Variants in MYBPC1 observed in about 807,000 individuals in gnomAD.
The protein encoded by MYBPC1 is myosin binding protein C1, also known as myosin-binding protein C, slow-type.
In MYBPC1, 52 loss-of-function variants were observed where a neutral mutation model predicts 147.1. The ratio of observed to expected loss-of-function variants is 0.35; its 90% CI spans 0.28 to 0.45. The LOEUF is 0.45. Ranked by LOEUF, MYBPC1 falls within the 20% of genes least tolerant of loss-of-function variation. MYBPC1 has a pLI of 1.00. For missense variants in MYBPC1, 1,228 were observed against 1,440.3 expected (o/e 0.85, Z 2.39); for synonymous variants, 477 against 475.9 (o/e 1.00, Z -0.03).
At chr12:101,684,528 A>G in intron 31 of MYBPC1, 104 bp downstream of exon 31, 1 of 886,844 alleles carries the variant, frequency 1.1e-6, no homozygotes, top group South Asian at 1.4e-5. Flanking sequence ...CAATGAAAAT[A>G]GACTTATTTT....
At chr12:101,596,847 A>T (rs1231391852) in intron 1 of MYBPC1, among the ~76,000 whole-genome samples, 1 of 152,216 alleles carries the variant, frequency 6.6e-6, no homozygotes, top group African/African-American at 2.4e-5. Context: ...TTTGCTATAA[A>T]AGCATGTTGC....
At chr12:101,677,168 T>A (rs537333156) in intron 26 of MYBPC1, 67 bp from the exon 27 acceptor site, 80 of 1,509,146 alleles carry the variant, frequency 5.3e-5, no homozygotes, top group Admixed American at 8.4e-5. Flanking sequence ...TTTATCCCAA[T>A]CTACAGTTAG....
intron 1 of MYBPC1, among the ~76,000 whole-genome samples, chr12:101,604,946 G>T (rs1460320721): frequency 2.6e-5 from 4 of 152,126 alleles, no homozygotes; most frequent in Non-Finnish European, 1.5e-5. Context: ...TCACCAAAAT[G>T]CAGGTTCAGC....
At position 101,595,047 on chromosome 12, in the gene MYBPC1, A is replaced by G. The variant is rs1261939901; in HGVS notation, c.-24A>G. The G allele has an allele frequency of 6.2e-7, 1 of 1,611,464 alleles. No homozygotes were observed. Among genetic ancestry groups the G allele is most frequent in the Admixed American group, 1.7e-5 (1 of 59,898 alleles). On this transcript the variant is annotated 5_prime_UTR_variant, in exon 1 of 32. Coordinates refer to ENST00000361466, the MANE Select transcript of MYBPC1 (RefSeq NM_002465.4). ...AGTCGTGGAGGGAAGGAGACTCTTT[A>G]AAGAATAACATCTTATTGTGGCCAT...
intron 3 of MYBPC1, among the ~76,000 whole-genome samples, chr12:101,619,405 A>G (rs1424136196): frequency 6.6e-6 from 1 of 152,046 alleles, no homozygotes; most frequent in Non-Finnish European, 1.5e-5. Flanking sequence ...TCCTTTTCCT[A>G]ACAGGTTGTA....
Position 101,652,366 on chromosome 12 carries a change from A to G in MYBPC1, c.1527-312A>G, listed in dbSNP as rs537887965. 5.3e-5 allele frequency among the ~76,000 whole-genome samples: 8 copies of G among 152,286 alleles called. No individual in the cohort carries two copies. In the South Asian group the frequency reaches 1.7e-3, roughly 32 times the overall value. ...TGAATCTTAAAGTATAGCATTATTG[A>G]TATGTTCTATTTTAGCCTTTTTAAA... On this transcript the variant is annotated intron_variant, in intron 16 of 31. Coordinates refer to ENST00000361466, the MANE Select transcript of MYBPC1 (RefSeq NM_002465.4).
At chr12:101,690,311 T>C (rs1197912785), downstream of MYBPC1, among the ~76,000 whole-genome samples, 1 of 152,230 alleles carries the variant, frequency 6.6e-6, no homozygotes, top group Non-Finnish European at 1.5e-5. Context: ...CTCTGTCTTG[T>C]TCCTTGCTTA....
chr12:101,667,857 C>A lies in MYBPC1; in HGVS notation c.2482C>A (p.Pro828Thr), dbSNP rs1442310830. ...TGTTAATGCAGCTGGTGCCAGCGAGCCCAAGTACTATTCTCAGCCCATTCT... is the reference window on the plus strand; with the variant it reads ...TGTTAATGCAGCTGGTGCCAGCGAGACCAAGTACTATTCTCAGCCCATTCT... ...KAVNAAGASE[P>T]KYYSQPILVK... Residue 828 changes from proline to threonine, a missense_variant, in exon 23 of 32, where the codon CCC becomes ACC. Pro to Thr is a conservative substitution (Grantham distance 38). Coordinates refer to ENST00000361466, the MANE Select transcript of MYBPC1 (RefSeq NM_002465.4). 1 of 1,613,992 alleles carries A rather than the reference C, an allele frequency of 6.2e-7. No homozygotes were observed. Among genetic ancestry groups the A allele is most frequent in the East Asian group, 2.2e-5 (1 of 44,896 alleles).
intron 4 of MYBPC1, 81 bp from the exon 5 acceptor site, chr12:101,627,688 A>G (rs1438465350): frequency 1.3e-6 from 2 of 1,497,700 alleles, no homozygotes; most frequent in African/African-American, 2.8e-5. Context: ...GTTTAGGGGA[A>G]TCCAAGAAGG....
intron 13 of MYBPC1, among the ~76,000 whole-genome samples, chr12:101,647,459 T>G (rs946188344): frequency 6.6e-6 from 1 of 152,248 alleles, no homozygotes; most frequent in African/African-American, 2.4e-5. Flanking sequence ...GAATAATATT[T>G]GATATATGTT....
intron 15 of MYBPC1, among the ~76,000 whole-genome samples, chr12:101,650,241 T>C (rs1240097036): frequency 1.3e-5 from 2 of 152,204 alleles, no homozygotes; most frequent in African/African-American, 4.8e-5. Flanking sequence ...TGCAAAGTCA[T>C]GCAGTAAAAA....
rs1231983330 is a variant in MYBPC1 at position 101,678,135 on chromosome 12, T to C, written c.3143T>C (p.Phe1048Ser). ...KIYKNPVYEDFDFSEAPMFTQ... is the reference protein window; with the variant it reads ...KIYKNPVYEDSDFSEAPMFTQ... ...TACAAAAATCCAGTGTATGAAGACT[T>C]TGATTTCTCAGAGGCACCCATGTTT... Residue 1048 changes from phenylalanine to serine, a missense_variant, in exon 28 of 32, where the codon TTT (phenylalanine) becomes TCT (serine). Coordinates refer to ENST00000361466, the MANE Select transcript of MYBPC1 (RefSeq NM_002465.4). 1 of 1,614,044 alleles carries C rather than the reference T, an allele frequency of 6.2e-7. No homozygotes were observed. Among genetic ancestry groups the C allele is most frequent in the South Asian group, 1.1e-5 (1 of 91,088 alleles).
intron 28 of MYBPC1, 103 bp from the exon 29 acceptor site, chr12:101,680,240 C>A: frequency 8.7e-7 from 1 of 1,149,834 alleles, no homozygotes. Flanking sequence ...GATGCACTTT[C>A]TTTTTAAGCC....
intron 10 of MYBPC1, 145 bp downstream of exon 10, chr12:101,636,873 A>C: frequency 1.4e-6 from 1 of 693,158 alleles, no homozygotes; most frequent in Non-Finnish European, 2.5e-6. Context: ...AACAGAGTTG[A>C]CTAGAAAGAG....
At chr12:101,690,620 G>A (rs1302619989), downstream of MYBPC1, among the ~76,000 whole-genome samples, 1 of 152,144 alleles carries the variant, frequency 6.6e-6, no homozygotes, top group Non-Finnish European at 1.5e-5. Flanking sequence ...TGATTAAAGG[G>A]TATAAACAAG....
Position 101,668,441 on chromosome 12 carries a change from G to T in MYBPC1, c.2524+542G>T, listed in dbSNP as rs138113742. Among the ~76,000 whole-genome samples the T allele has an allele frequency of 3.8e-3, 581 of 152,172 alleles. 7 individuals carry two copies. Among genetic ancestry groups the T allele is most frequent in the African/African-American group, 0.013 (542 of 41,518 alleles). On this transcript the variant is annotated intron_variant, in intron 23 of 31. Coordinates refer to ENST00000361466, the MANE Select transcript of MYBPC1 (RefSeq NM_002465.4). Reference sequence around the variant, plus strand: ...CATGCACTCAACAGATGAAATAAAAGGGCCAGTTTTGCCTTAGAGTCTCTT... The same window carrying T: ...CATGCACTCAACAGATGAAATAAAATGGCCAGTTTTGCCTTAGAGTCTCTT...
rs1900223466 is a variant in MYBPC1 at position 101,677,316 on chromosome 12, C to T, written c.3031C>T (p.Arg1011Trp). 3.1e-6 allele frequency: 5 copies of T among 1,613,744 alleles called. No homozygotes were observed. The highest frequency in any genetic ancestry group is 3.3e-5 in the Admixed American group (2 of 59,958). Residue 1011 changes from arginine to tryptophan, a missense_variant, in exon 27 of 32, where the codon CGG (arginine) becomes TGG (tryptophan). Arg to Trp is a moderately radical substitution (Grantham distance 101). Coordinates refer to ENST00000361466, the MANE Select transcript of MYBPC1 (RefSeq NM_002465.4). ...ELVIGNEYYF[R>W]VFSENMCGLS... The stretch of plus-strand genomic sequence containing the variant: ...GGTCATAGGGAATGAATATTACTTC[C>T]GGGTCTTTTCTGAAAACATGTGTGG...
intron 1 of MYBPC1, among the ~76,000 whole-genome samples, chr12:101,601,379 A>G (rs1055016757): frequency 6.6e-6 from 1 of 152,210 alleles, no homozygotes; most frequent in African/African-American, 2.4e-5. Context: ...CCACAGGCCA[A>G]ATTTCAAGAT....
At position 101,651,407 on chromosome 12, in the gene MYBPC1, G is replaced by C. The variant is rs1894411784; in HGVS notation, c.1526+14G>C. On this transcript the variant is annotated intron_variant, in intron 16 of 31. Transcript: ENST00000361466. ...TCACAAGGGAAGGTAAGCGAGCCAG[G>C]TGACCCGCAAGTGAGGTTTGGTCCC... 6.2e-7 allele frequency: 1 copy of C among 1,613,762 alleles called. No homozygotes were observed. The highest frequency in any genetic ancestry group is 8.5e-7 in the Non-Finnish European group (1 of 1,179,826).
Sources: allele counts gnomAD v4.1 joint callset (sites outside exome capture counted in the v4.1 genomes callset), GRCh38; gene constraint gnomAD v4.1.1; transcripts MANE v1.5; gene names NCBI Gene and HGNC (gene_info 2026-07-23, HGNC 2026-07-21).